The following PCBP3 variants were observed in gnomAD, a reference collection of about 807,000 sequenced individuals.
PCBP3 encodes the protein poly(rC) binding protein 3.
Under a neutral mutation model 52.7 loss-of-function variants are expected in PCBP3, and 25 were observed. That is an observed-to-expected ratio of 0.47 (90% CI 0.35 to 0.66). The LOEUF is 0.66. Ranked by LOEUF, PCBP3 falls within the 30% of genes least tolerant of loss-of-function variation. The pLI, the probability that PCBP3 is intolerant of heterozygous loss-of-function variation, is 0.01. For missense variants in PCBP3, 391 were observed against 490.3 expected, an observed-to-expected ratio of 0.80 and a Z score of 1.91; for synonymous variants, 162 against 183.0, an observed-to-expected ratio of 0.89 and a Z score of 0.93.
intron 1 of PCBP3, among the ~76,000 whole-genome samples, chr21:45,651,377 A>G (rs547826818): frequency 8.5e-5 from 13 of 152,346 alleles, no homozygotes; most frequent in African/African-American, 3.1e-4. Flanking sequence ...TGGAAGAAAC[A>G]GAAAATTATA....
chr21:45,661,820 TTAA>T (rs1321185069), intron 1 of PCBP3, among the ~76,000 whole-genome samples: 3 of 152,248 alleles, frequency 2.0e-5, no homozygotes, highest in African/African-American at 7.2e-5. Flanking sequence ...TTTTGACTTT[TTAA>T]TAATAGCCAT....
At chr21:45,899,681 G>T in intron 7 of PCBP3, 59 bp downstream of exon 7, 1 of 1,363,102 alleles carries the variant, frequency 7.3e-7, no homozygotes, top group Non-Finnish European at 1.0e-6. Flanking sequence ...TGGTGAGGAT[G>T]GCAGCCTCCC....
rs185355898 is a variant in PCBP3 at position 45,660,640 on chromosome 21, A to G, written c.-278-8234A>G. Among the ~76,000 whole-genome samples, 309 of 152,256 alleles carry G rather than the reference A, an allele frequency of 2.0e-3. 1 individual carries two copies. Among genetic ancestry groups the G allele is most frequent in the African/African-American group, 7.2e-3 (299 of 41,534 alleles). On this transcript the variant is annotated intron_variant, in intron 1 of 17. Transcript: ENST00000681687. The stretch of plus-strand genomic sequence containing the variant: ...GGGGTCTTACTACTGGCAATTTGTA[A>G]CAGTTTAGTTTGGATTAGTACCAGT...
intron 4 of PCBP3, among the ~76,000 whole-genome samples, chr21:45,825,490 A>G (rs1042740449): frequency 3.3e-5 from 5 of 151,190 alleles, no homozygotes; most frequent in Non-Finnish European, 7.4e-5. Flanking sequence ...TTGTCCCTCA[A>G]CCCATGGCTG....
chr21:45,722,874 G>A (rs1426450332), intron 2 of PCBP3, among the ~76,000 whole-genome samples: 2 of 151,838 alleles, frequency 1.3e-5, no homozygotes, highest in African/African-American at 2.4e-5. Flanking sequence ...TTAGCTGGGC[G>A]TGGTGGCGTT....
chr21:45,905,306 G>A (rs2096173577), intron 9 of PCBP3, among the ~76,000 whole-genome samples: 1 of 152,198 alleles, frequency 6.6e-6, no homozygotes, highest in East Asian at 1.9e-4. Flanking sequence ...AGGAAGAAGT[G>A]TGCCCAAGAA....
chr21:45,905,999 C>T lies in PCBP3; in HGVS notation c.340-3356C>T, dbSNP rs560955640. On this transcript the variant is annotated intron_variant, in intron 9 of 17. Coordinates refer to ENST00000681687, the MANE Select transcript of PCBP3 (RefSeq NM_001384156.1). ...CTTCCTCGTCTCTGAACAAAGAGGG[C>T]GTCACCACGATGTGTCAGAACTGAA... is the stretch of plus-strand genomic sequence containing the variant. Among the ~76,000 whole-genome samples the T allele has an allele frequency of 7.2e-5, 11 of 152,300 alleles. No homozygotes were observed. In the South Asian group the frequency reaches 2.1e-3, roughly 29 times the overall value.
chr21:45,894,031 G>A (rs1358733120), intron 5 of PCBP3: 3 of 985,340 alleles, frequency 3.0e-6, no homozygotes, highest in Non-Finnish European at 3.6e-6. Flanking sequence ...GGTGCCTAGG[G>A]AGAGCCAGAG....
chr21:45,860,584 C>T (rs1569345379), intron 5 of PCBP3, among the ~76,000 whole-genome samples: 1 of 152,222 alleles, frequency 6.6e-6, no homozygotes, highest in Non-Finnish European at 1.5e-5. Context: ...GAGCACATGA[C>T]AGCCCCAAGG....
rs115142652 is a variant in PCBP3 at position 45,926,151 on chromosome 21, C to T, written c.718-3766C>T. ...TTCAGCCAACATCAGACCACACAGACGATGGTGATGCCATGAGAGTATAGT... is the reference window on the plus strand; with the variant it reads ...TTCAGCCAACATCAGACCACACAGATGATGGTGATGCCATGAGAGTATAGT... On this transcript the variant is annotated intron_variant, in intron 13 of 17. Transcript: ENST00000681687. Among the ~76,000 whole-genome samples, 868 of 152,330 alleles carry T rather than the reference C, an allele frequency of 5.7e-3. 8 individuals carry two copies. Among genetic ancestry groups the T allele is most frequent in the African/African-American group, 0.02 (827 of 41,562 alleles).
At chr21:45,781,486 C>A (rs973569737) in intron 4 of PCBP3, among the ~76,000 whole-genome samples, 4 of 152,152 alleles carry the variant, frequency 2.6e-5, no homozygotes, top group Non-Finnish European at 5.9e-5. Context: ...TGTAACTGAC[C>A]ATACTAAGTA....
chr21:45,784,775 C>T (rs1376286396), intron 4 of PCBP3, among the ~76,000 whole-genome samples: 5 of 152,162 alleles, frequency 3.3e-5, no homozygotes, highest in Non-Finnish European at 7.4e-5. Context: ...CAATGGTGCC[C>T]GGGCTGGAGT....
intron 2 of PCBP3, among the ~76,000 whole-genome samples, chr21:45,722,867 G>T (rs930119433): frequency 2.6e-5 from 4 of 151,848 alleles, no homozygotes; most frequent in African/African-American, 9.7e-5. Flanking sequence ...ACAAAAATTA[G>T]CTGGGCGTGG....
chr21:45,917,492 CTACCGGAGGGTCCTTGTCA>C lies in PCBP3; in HGVS notation c.676-94_676-76del. On this transcript the variant is annotated intron_variant, in intron 12 of 17. Transcript: ENST00000681687. This position sits in a 1 kb window ranked among gnomAD's most constrained non-coding sequence, Gnocchi z 5.3. ...GGAGAGGCACACGAGGGGGAAGCTT[CTACCGGAGGGTCCTTGTCA>C]TGCTGGAGGGTGGCGGCGGGTGCTG... 1 of 928,692 alleles carries C rather than the reference CTACCGGAGGGTCCTTGTCA, an allele frequency of 1.1e-6. No homozygotes were observed. Among genetic ancestry groups the C allele is most frequent in the South Asian group, 1.4e-5 (1 of 73,542 alleles). 57.5% of individuals were successfully genotyped at this position (928,692 alleles called of 1,614,324 possible). A position where few individuals can be genotyped will look rare whatever the true frequency, so the allele number is the denominator to read the frequency against.
At chr21:45,864,790 G>A (rs991127096) in intron 5 of PCBP3, among the ~76,000 whole-genome samples, 3 of 152,134 alleles carry the variant, frequency 2.0e-5, no homozygotes, top group Non-Finnish European at 2.9e-5. Context: ...GTTTTAACTC[G>A]CTTTCCAGGC....
At chr21:45,742,316 AGT>A (rs1475569944) in intron 3 of PCBP3, among the ~76,000 whole-genome samples, 1 of 152,234 alleles carries the variant, frequency 6.6e-6, no homozygotes, top group African/African-American at 2.4e-5. Context: ...GCTGTACCAG[AGT>A]GCCTGTGCTG....
At chr21:45,868,305 C>A (rs1029040214) in intron 5 of PCBP3, among the ~76,000 whole-genome samples, 24 of 152,210 alleles carry the variant, frequency 1.6e-4, no homozygotes, top group Non-Finnish European at 2.4e-4. Context: ...TTTCAGAGCC[C>A]CAGGGTCCTG....
intron 4 of PCBP3, among the ~76,000 whole-genome samples, chr21:45,787,975 C>T (rs1315464630): frequency 2.6e-5 from 4 of 151,988 alleles, no homozygotes; most frequent in Admixed American, 6.6e-5. Context: ...ATAGCAAAGG[C>T]GGGGAGAGAC....
intron 1 of PCBP3, among the ~76,000 whole-genome samples, chr21:45,657,727 A>G (rs1420195077): frequency 1.3e-5 from 2 of 152,014 alleles, no homozygotes; most frequent in East Asian, 3.9e-4. Context: ...ATCTGTAGAT[A>G]ATTCGGGGAG....
Sources: allele counts gnomAD v4.1 joint callset (sites outside exome capture counted in the v4.1 genomes callset), GRCh38; gene constraint gnomAD v4.1.1; non-coding constraint Gnocchi (gnomAD v3.1); transcripts MANE v1.5; gene names NCBI Gene and HGNC (gene_info 2026-07-23, HGNC 2026-07-21).